DGKZ: variants seen among roughly 807,000 people sequenced by gnomAD.
DGKZ encodes DAG kinase zeta.
A neutral mutation model predicts 142.5 loss-of-function variants in DGKZ; 45 were observed. That is an observed-to-expected ratio of 0.32 (90% CI 0.25 to 0.40). The LOEUF is 0.40. Among genes scored for constraint, DGKZ ranks in the 10% least tolerant of loss-of-function variants. The pLI, the probability that DGKZ is intolerant of heterozygous loss-of-function variation, is 1.00. For synonymous variants in DGKZ, 442 were observed against 527.0 expected (o/e 0.84, Z 2.21); for missense variants, 755 against 1,306.5 (o/e 0.58, Z 6.51).
rs1944034334 is a variant in DGKZ, at chr11:46,372,312, T to G, written c.928-116T>G. On this transcript the variant is annotated intron_variant, in intron 10 of 30. Transcript: ENST00000527911. This position sits in a 1 kb window ranked among gnomAD's most constrained non-coding sequence, Gnocchi z 5.9. The stretch of plus-strand genomic sequence containing the variant: ...GGGATCCTGAGAAAATCCTGTCCTT[T>G]CTCCACCCCTCACCCCTTATTGGCC... 23 of 1,353,618 alleles carry G rather than the reference T, an allele frequency of 1.7e-5. No individual in the cohort carries two copies. The highest frequency in any genetic ancestry group is 1.8e-4 in the Middle Eastern group (1 of 5,442). The allele number at this position is 1,353,618 out of a possible 1,614,324, so 83.9% of individuals were successfully genotyped here. A position where few individuals can be genotyped will look rare whatever the true frequency, so the allele number is the denominator to read the frequency against.
Position 46,372,336 on chromosome 11 carries a change from C to T in DGKZ, c.928-92C>T, listed in dbSNP as rs1944038344. The T allele has an allele frequency of 4.1e-6, 6 of 1,448,416 alleles. No individual in the cohort carries two copies. The highest frequency in any genetic ancestry group is 3.5e-5 in the Admixed American group (2 of 57,440). 89.7% of individuals were successfully genotyped at this position (1,448,416 alleles called of 1,614,324 possible). On this transcript the variant is annotated intron_variant, in intron 10 of 30. Transcript: ENST00000527911. This position sits in a 1 kb window ranked among gnomAD's most constrained non-coding sequence, Gnocchi z 5.9. ...TTCTCCACCCCTCACCCCTTATTGGCCCTGGTTCCCACAGTCACACCCCTC... is the reference window on the plus strand; with the variant it reads ...TTCTCCACCCCTCACCCCTTATTGGTCCTGGTTCCCACAGTCACACCCCTC...
At chr11:46,371,090 CAA>C (rs1188341998) in intron 6 of DGKZ, among the ~76,000 whole-genome samples, 1 of 151,998 alleles carries the variant, frequency 6.6e-6, no homozygotes, top group Non-Finnish European at 1.5e-5. Context: ...CATCTCCAAA[CAA>C]AAACAAAAAA....
intron 25 of DGKZ, chr11:46,377,567 C>T (rs920504725): frequency 1.6e-5 from 5 of 322,544 alleles, no homozygotes; most frequent in Non-Finnish European, 2.9e-5. Context: ...TTCGTGCCCT[C>T]GAACCCCCAT....
At chr11:46,364,957 C>T in intron 1 of DGKZ, 1 of 985,458 alleles carries the variant, frequency 1.0e-6, no homozygotes, top group Non-Finnish European at 1.2e-6. Context: ...AGGAGATCAC[C>T]TGCTGTGGGG....
At chr11:46,376,649 C>A in intron 24 of DGKZ, 85 bp downstream of exon 24, 1 of 1,546,424 alleles carries the variant, frequency 6.5e-7, no homozygotes, top group Non-Finnish European at 8.9e-7. Flanking sequence ...TGTTAGCTCC[C>A]CCGATGGGCT....
At chr11:46,377,868 G>A (rs768176147) in intron 25 of DGKZ, 26 of 396,054 alleles carry the variant, frequency 6.6e-5, no homozygotes, top group Non-Finnish European at 9.7e-5. Flanking sequence ...TCTCAGCTTG[G>A]CTGTTTCCTC....
At chr11:46,378,422 C>G (rs755250706) in intron 26 of DGKZ, 35 bp from the exon 27 acceptor site, 1 of 1,570,332 alleles carries the variant, frequency 6.4e-7, no homozygotes, top group Non-Finnish European at 8.6e-7. Flanking sequence ...GCCCAGGCCT[C>G]CGACTGCAGA....
chr11:46,365,434 G>C (rs981817843), intron 1 of DGKZ: 3 of 985,266 alleles, frequency 3.0e-6, no homozygotes, highest in Non-Finnish European at 3.6e-6. Flanking sequence ...ATACAGGCAC[G>C]CACACACCCA....
intron 1 of DGKZ, among the ~76,000 whole-genome samples, chr11:46,334,345 G>A (rs1939907598): frequency 6.6e-6 from 1 of 152,216 alleles, no homozygotes; most frequent in Admixed American, 6.5e-5. Flanking sequence ...CTCCCCTGGA[G>A]AGTCTAGCAG....
intron 25 of DGKZ, 131 bp from the exon 26 acceptor site, chr11:46,378,067 G>C: frequency 8.6e-7 from 1 of 1,169,414 alleles, no homozygotes; most frequent in Non-Finnish European, 1.2e-6. Context: ...CCAGTGCCTG[G>C]AATAGTGCTT....
chr11:46,352,375 G>C (rs557239756), intron 1 of DGKZ, among the ~76,000 whole-genome samples: 12 of 152,284 alleles, frequency 7.9e-5, no homozygotes, highest in African/African-American at 2.6e-4. Flanking sequence ...ACAGGCCCAC[G>C]GGGACCCACA....
chr11:46,347,304 T>C (rs1940736151), upstream of DGKZ: 1 of 984,788 alleles, frequency 1.0e-6, no homozygotes. This position sits in a 1 kb window ranked among gnomAD's most constrained non-coding sequence, Gnocchi z 6.4. Context: ...CGCCCATTCG[T>C]CGCCCCGCCC....
At chr11:46,359,314 C>A (rs1942373138) in intron 1 of DGKZ, among the ~76,000 whole-genome samples, 2 of 147,504 alleles carry the variant, frequency 1.4e-5, no homozygotes, top group African/African-American at 2.5e-5. Flanking sequence ...GCATGGTGGC[C>A]CATGCCTGTA....
Position 46,377,559 on chromosome 11 carries a change from C to T in DGKZ, c.2342+347C>T, listed in dbSNP as rs190594343. ...CAGCTCTTATATCCCTGTGGCCATT[C>T]GTGCCCTCGAACCCCCATCTCCATA... On this transcript the variant is annotated intron_variant, in intron 25 of 30. Coordinates refer to ENST00000527911, the Ensembl canonical transcript of DGKZ. The T allele has an allele frequency of 3.8e-5, 13 of 338,500 alleles. 1 individual carries two copies. The South Asian group carries it at 4.3e-4, about 11-fold the overall frequency. The allele number at this position is 338,500 out of a possible 1,614,324, so 21.0% of individuals were successfully genotyped here.
chr11:46,334,038 C>A (rs1939891814), intron 1 of DGKZ, among the ~76,000 whole-genome samples: 1 of 151,968 alleles, frequency 6.6e-6, no homozygotes, highest in South Asian at 2.1e-4. Flanking sequence ...AACCTCCCCA[C>A]CCCCACCCAA....
intron 1 of DGKZ, among the ~76,000 whole-genome samples, chr11:46,353,659 G>A (rs765257021): frequency 3.3e-5 from 5 of 152,102 alleles, no homozygotes; most frequent in South Asian, 2.1e-4. Context: ...CCCAGGGGTC[G>A]GTGGCTGGTC....
chr11:46,344,597 GCACCTGC>G (rs1422515569), upstream of DGKZ, among the ~76,000 whole-genome samples: 18 of 151,742 alleles, frequency 1.2e-4, no homozygotes, highest in African/African-American at 3.6e-4. Context: ...GTGATTACAG[GCACCTGC>G]CACCACGCCG....
chr11:46,375,650 C>G lies in DGKZ; in HGVS notation c.1910+19C>G. On this transcript the variant is annotated intron_variant, in intron 20 of 30. Transcript: ENST00000527911. Reference sequence around the variant, plus strand: ...ACAGCGAGTACGTCCCACCCTGCCACGTGCCCTGGGTGCCAAGGCCAGACC... The same window carrying G: ...ACAGCGAGTACGTCCCACCCTGCCAGGTGCCCTGGGTGCCAAGGCCAGACC... The G allele has an allele frequency of 6.5e-7, 1 of 1,540,886 alleles. No homozygotes were observed. The highest frequency in any genetic ancestry group is 8.7e-7 in the Non-Finnish European group (1 of 1,147,522).
chr11:46,362,730 C>T (rs1014470623), intron 1 of DGKZ, among the ~76,000 whole-genome samples: 7 of 152,172 alleles, frequency 4.6e-5, no homozygotes, highest in Non-Finnish European at 5.9e-5. Context: ...CGTGAGATGG[C>T]CTGGGCTCTG....
Sources: gnomAD v4.1 joint callset for allele counts (sites outside exome capture counted in the v4.1 genomes callset) on GRCh38, gnomAD v4.1.1 for gene constraint, Gnocchi (gnomAD v3.1) non-coding constraint, MANE v1.5 for transcripts, NCBI Gene and HGNC (gene_info 2026-07-23, HGNC 2026-07-21) for gene names.